PHIP: variants seen among roughly 807,000 people sequenced by gnomAD.
The protein encoded by PHIP is PHIP subunit of CUL4-Ring ligase complex.
A neutral mutation model predicts 236.8 loss-of-function variants in PHIP; 54 were observed. The ratio of observed to expected loss-of-function variants is 0.23; its 90% CI spans 0.18 to 0.29. The LOEUF is 0.29. PHIP is among the 10% of genes least tolerant of loss of function. The pLI is 1.00. For missense variants in PHIP, 1,370 were observed against 2,190.8 expected, an observed-to-expected ratio of 0.63 and a Z score of 7.48; for synonymous variants, 756 against 718.9, an observed-to-expected ratio of 1.05 and a Z score of -0.83.
intron 27 of PHIP, among the ~76,000 whole-genome samples, chr6:78,969,222 T>C (rs1257241553): frequency 6.6e-6 from 1 of 152,348 alleles, no homozygotes; most frequent in Non-Finnish European, 1.5e-5. Context: ...CAATGCGTTC[T>C]AGTGGCACTG....
chr6:79,025,572 C>G lies in PHIP; in HGVS notation c.870G>C (p.Gly290=), dbSNP rs1297375868. Reference sequence around the variant, plus strand: ...GCCAAAAACAAATAGTGCCATCTGCCCCAGTAGAAGATAGATATCTCTTTG... The same window carrying G: ...GCCAAAAACAAATAGTGCCATCTGCGCCAGTAGAAGATAGATATCTCTTTG... ...SGSKRYLSST[G]ADGTICFWLW... The change falls in exon 9 of 40, where the codon GGG becomes GGC. Residue 290 remains glycine, a synonymous_variant. Coordinates refer to ENST00000275034, the MANE Select transcript of PHIP (RefSeq NM_017934.7). The G allele has an allele frequency of 6.2e-7, 1 of 1,612,422 alleles. No individual in the cohort carries two copies. Among genetic ancestry groups the G allele is most frequent in the Admixed American group, 1.7e-5 (1 of 59,988 alleles).
chr6:79,053,882 C>T (rs1469359144), intron 6 of PHIP, among the ~76,000 whole-genome samples: 2 of 152,044 alleles, frequency 1.3e-5, no homozygotes, highest in Non-Finnish European at 2.9e-5. Flanking sequence ...TATCCCTCAT[C>T]ACATCTATAA....
chr6:78,992,532 T>C (rs932897047), intron 19 of PHIP, among the ~76,000 whole-genome samples: 5 of 152,022 alleles, frequency 3.3e-5, no homozygotes, highest in African/African-American at 1.2e-4. Flanking sequence ...AATGAGCAAA[T>C]GCCATTTTTC....
rs1280474763 is a variant in PHIP, at chr6:78,937,126, C to T, written c.*3567G>A. 5 of 151,724 alleles carry T rather than the reference C, an allele frequency of 3.3e-5. No individual in the cohort carries two copies. The highest frequency in any genetic ancestry group is 9.7e-5 in the African/African-American group (4 of 41,406). 9.4% of individuals were successfully genotyped at this position (151,724 alleles called of 1,614,324 possible). A position where few individuals can be genotyped will look rare whatever the true frequency, so the allele number is the denominator to read the frequency against. ...AGCAGAACACTTACAGTCCTTTAATCACTCAAGTATCTTGGTCCTTTCAAC... is the reference window on the plus strand; with the variant it reads ...AGCAGAACACTTACAGTCCTTTAATTACTCAAGTATCTTGGTCCTTTCAAC... On this transcript the variant is annotated 3_prime_UTR_variant, in exon 40 of 40. Transcript: ENST00000275034.
chr6:78,948,778 GCCA>G (rs1329162868), intron 35 of PHIP, among the ~76,000 whole-genome samples: 2 of 152,144 alleles, frequency 1.3e-5, no homozygotes, highest in Non-Finnish European at 2.9e-5. Context: ...ATAGGCATTA[GCCA>G]CCACACCTGG....
At position 78,958,459 on chromosome 6, in the gene PHIP, T is replaced by C. The variant is rs1048696944; in HGVS notation, c.3782+16A>G. The C allele has an allele frequency of 2.2e-6, 3 of 1,385,896 alleles. No homozygotes were observed. The highest frequency in any genetic ancestry group is 2.3e-5 in the East Asian group (1 of 43,702). 85.8% of individuals were successfully genotyped at this position (1,385,896 alleles called of 1,614,324 possible). A position where few individuals can be genotyped will look rare whatever the true frequency, so the allele number is the denominator to read the frequency against. On this transcript the variant is annotated intron_variant, in intron 32 of 39. Coordinates refer to ENST00000275034, the MANE Select transcript of PHIP (RefSeq NM_017934.7). ...TTATTAAAACTATCATAATTACATATGAAAAGATAACTTACTTTATAAAAT... is the reference window on the plus strand; with the variant it reads ...TTATTAAAACTATCATAATTACATACGAAAAGATAACTTACTTTATAAAAT...
chr6:78,947,648 G>T lies in PHIP; in HGVS notation c.4181C>A (p.Ala1394Glu). Residue 1394 changes from alanine to glutamate, a missense_variant, in exon 36 of 40, where the codon GCA (alanine) becomes GAA (glutamate). Physicochemically the swap from Ala to Glu is moderately radical, Grantham distance 107. Coordinates refer to ENST00000275034, the MANE Select transcript of PHIP (RefSeq NM_017934.7). ...CCTTGATCTTTTGCTTGGTGTATAT[G>T]CTTTGGAATTACTGAAAATAAGTCT... ...DVRLIFSNSK[A>E]YTPSKRSRIY... 6.8e-7 allele frequency: 1 copy of T among 1,475,940 alleles called. No individual in the cohort carries two copies. The highest frequency in any genetic ancestry group is 9.5e-7 in the Non-Finnish European group (1 of 1,055,610). 91.4% of individuals were successfully genotyped at this position (1,475,940 alleles called of 1,614,324 possible). A position where few individuals can be genotyped will look rare whatever the true frequency, so the allele number is the denominator to read the frequency against.
At chr6:79,001,667 T>G (rs933639651) in intron 17 of PHIP, among the ~76,000 whole-genome samples, 2 of 152,116 alleles carry the variant, frequency 1.3e-5, no homozygotes, top group Non-Finnish European at 2.9e-5. Flanking sequence ...ACTACCTTAT[T>G]GATCCCTAGG....
At chr6:78,961,876 G>T in intron 30 of PHIP, 66 bp from the exon 31 acceptor site, 30 of 1,281,342 alleles carry the variant, frequency 2.3e-5, no homozygotes, top group Non-Finnish European at 3.0e-5. Flanking sequence ...GAAGAATTCT[G>T]CTTGAATTAA....
At position 78,947,779 on chromosome 6, in the gene PHIP, G is replaced by C. The variant is rs771181865; in HGVS notation, c.4054-4C>G. ...TGTCAATGATGTCTCTGTAGTCCTA[G>C]GAGAGGGAAAACAGGTGGTGTTATG... On this transcript the variant is annotated splice_polypyrimidine_tract_variant and splice_region_variant and intron_variant, in intron 35 of 39. Coordinates refer to ENST00000275034, the MANE Select transcript of PHIP (RefSeq NM_017934.7). 6.3e-6 allele frequency: 10 copies of C among 1,599,244 alleles called. No individual in the cohort carries two copies. The African/African-American group carries it at 1.3e-4, about 21-fold the overall frequency.
At chr6:78,966,288 T>A (rs545914196) in intron 27 of PHIP, among the ~76,000 whole-genome samples, 12 of 152,340 alleles carry the variant, frequency 7.9e-5, no homozygotes, top group African/African-American at 2.6e-4. Context: ...TTTTTTATAT[T>A]TCATTAAGGT....
chr6:78,943,521 C>T (rs1773618195), intron 39 of PHIP, among the ~76,000 whole-genome samples: 1 of 152,074 alleles, frequency 6.6e-6, no homozygotes. Flanking sequence ...CACTCATATG[C>T]AAAGCATTTT....
Position 79,030,937 on chromosome 6 carries a change from TTTTG to T in PHIP, c.601-4777_601-4774del, listed in dbSNP as rs374346514. Reference sequence around the variant, plus strand: ...TGTTTCATTTTTCTTTCTTGTTTTTTTTTGTTTGTTTGTTTGTTTGTTTTGAGAC... The same window carrying T: ...TGTTTCATTTTTCTTTCTTGTTTTTTTTTGTTTGTTTGTTTGTTTTGAGAC... On this transcript the variant is annotated intron_variant, in intron 7 of 39. Coordinates refer to ENST00000275034, the MANE Select transcript of PHIP (RefSeq NM_017934.7). Among the ~76,000 whole-genome samples, 1,300 of 152,134 alleles carry T rather than the reference TTTTG, an allele frequency of 8.5e-3. 11 individuals are homozygous for T. The highest frequency in any genetic ancestry group is 0.031 in the East Asian group (159 of 5,188).
At position 78,952,523 on chromosome 6, in the gene PHIP, T is replaced by G. The variant is rs573221258; in HGVS notation, c.4053+2291A>C. Among the ~76,000 whole-genome samples the G allele has an allele frequency of 1.5e-3, 228 of 152,052 alleles. 2 individuals carry two copies. In the Middle Eastern group the frequency reaches 0.041, roughly 27 times the overall value. On this transcript the variant is annotated intron_variant, in intron 35 of 39. Coordinates refer to ENST00000275034, the MANE Select transcript of PHIP (RefSeq NM_017934.7). Reference sequence around the variant, plus strand: ...TCCCATTCTGTCTATTCTCTTCCACTGAAATTTTTGTTAGACATATTTTGG... The same window carrying G: ...TCCCATTCTGTCTATTCTCTTCCACGGAAATTTTTGTTAGACATATTTTGG...
At chr6:78,988,092 C>A (rs1768979282) in intron 21 of PHIP, 117 bp downstream of exon 21, 2 of 626,950 alleles carry the variant, frequency 3.2e-6, no homozygotes, top group East Asian at 3.3e-5. Flanking sequence ...CATAAGACCC[C>A]AAAATGCCAT....
intron 15 of PHIP, among the ~76,000 whole-genome samples, chr6:79,006,688 T>C (rs1770308814): frequency 6.6e-6 from 1 of 152,040 alleles, no homozygotes; most frequent in Admixed American, 6.6e-5. Flanking sequence ...TAGCACTTAC[T>C]GCAGTTGTAG....
At chr6:79,037,215 T>C (rs2127756448) in intron 7 of PHIP, among the ~76,000 whole-genome samples, 1 of 152,268 alleles carries the variant, frequency 6.6e-6, no homozygotes, top group African/African-American at 2.4e-5. Context: ...GAATACTTTC[T>C]CAGGCTTTCT....
At chr6:79,004,047 A>G (rs1250985621) in intron 15 of PHIP, among the ~76,000 whole-genome samples, 189 bp from the exon 16 acceptor site, 1 of 152,110 alleles carries the variant, frequency 6.6e-6, no homozygotes, top group Non-Finnish European at 1.5e-5. Context: ...CTTGAAAAAT[A>G]AAGTATTCTA....
intron 6 of PHIP, among the ~76,000 whole-genome samples, chr6:79,051,011 C>T (rs1286944848): frequency 6.6e-6 from 1 of 152,010 alleles, no homozygotes; most frequent in Non-Finnish European, 1.5e-5. Flanking sequence ...AGAAACATGT[C>T]AAAGATAGTT....
Sources: allele counts gnomAD v4.1 joint callset (sites outside exome capture counted in the v4.1 genomes callset), GRCh38; gene constraint gnomAD v4.1.1; transcripts MANE v1.5; gene names NCBI Gene and HGNC (gene_info 2026-07-23, HGNC 2026-07-21).